The following DNM1 variants were observed in gnomAD, a reference collection of about 807,000 sequenced individuals.
DNM1 encodes dynamin-1.
Under a neutral mutation model 104.6 loss-of-function variants are expected in DNM1, and 29 were observed. That is an observed-to-expected ratio of 0.28 (90% CI 0.21 to 0.38). DNM1 has a LOEUF of 0.38. DNM1 is among the 10% of genes least tolerant of loss of function. The pLI is 1.00. For missense variants in DNM1, 640 were observed against 1,189.4 expected, an observed-to-expected ratio of 0.54 and a Z score of 6.79; for synonymous variants, 445 against 475.8, an observed-to-expected ratio of 0.94 and a Z score of 0.84.
Position 128,254,635 on chromosome 9 carries a change from C to T in DNM1, c.2535-19C>T. Reference sequence around the variant, plus strand: ...GCTTTTCTCTCCCGTTTTCTCTCTGCTTTCTCTCCAACTGCCAGCCGATCG... The same window carrying T: ...GCTTTTCTCTCCCGTTTTCTCTCTGTTTTCTCTCCAACTGCCAGCCGATCG... On this transcript the variant is annotated intron_variant, in intron 21 of 21. Coordinates refer to ENST00000372923, the MANE Select transcript of DNM1 (RefSeq NM_004408.4). The surrounding 1 kb of genome is among the most constrained non-coding windows in gnomAD (Gnocchi z 6.1). 1.3e-6 allele frequency: 2 copies of T among 1,594,622 alleles called. No homozygotes were observed. Among genetic ancestry groups the T allele is most frequent in the South Asian group, 1.1e-5 (1 of 90,962 alleles).
intron 1 of DNM1, among the ~76,000 whole-genome samples, chr9:128,217,556 A>G (rs1474263256): frequency 6.6e-6 from 1 of 152,132 alleles, no homozygotes; most frequent in Non-Finnish European, 1.5e-5. Flanking sequence ...AGCTGAGATT[A>G]CAGGTGCCTG....
At chr9:128,211,020 CT>C (rs909128374) in intron 1 of DNM1, among the ~76,000 whole-genome samples, 1 of 152,234 alleles carries the variant, frequency 6.6e-6, no homozygotes, top group African/African-American at 2.4e-5. Context: ...AAATATTCTC[CT>C]GAATGGCATC....
rs61020870 is a variant in DNM1 at position 128,220,742 on chromosome 9, C to CGCGCGCGCGT, written c.849+402_849+403insCGCGCGCGTG. The stretch of plus-strand genomic sequence containing the variant: ...CAGAACTGAAGTGCGCGCGCGCGCG[C>CGCGCGCGCGT]GTGTGTGTGTGTGTGTGTGTGTGTG... On this transcript the variant is annotated intron_variant, in intron 6 of 21. Coordinates refer to ENST00000372923, the MANE Select transcript of DNM1 (RefSeq NM_004408.4). The surrounding 1 kb of genome is among the most constrained non-coding windows in gnomAD (Gnocchi z 5.2). 0.023 allele frequency among the ~76,000 whole-genome samples: 3,088 copies of CGCGCGCGCGT among 136,132 alleles called. 58 individuals are homozygous for CGCGCGCGCGT. Among genetic ancestry groups the CGCGCGCGCGT allele is most frequent in the Admixed American group, 0.043 (585 of 13,644 alleles). The allele number at this position is 136,132 out of a possible 152,430, so 89.3% of individuals were successfully genotyped here. A position where few individuals can be genotyped will look rare whatever the true frequency, so the allele number is the denominator to read the frequency against.
rs1834977338 is a variant in DNM1 at position 128,220,997 on chromosome 9, TC to T, written c.849+658del. 1 of 79,936 alleles carries T rather than the reference TC, an allele frequency of 1.3e-5. No individual in the cohort carries two copies. The highest frequency in any genetic ancestry group is 5.9e-5 in the African/African-American group (1 of 17,088). The allele number at this position is 79,936 out of a possible 1,614,324, so 5.0% of individuals were successfully genotyped here. A position where few individuals can be genotyped will look rare whatever the true frequency, so the allele number is the denominator to read the frequency against. The stretch of plus-strand genomic sequence containing the variant: ...TTTCTCTTTCTTTCTTTCTTTCCCT[TC>T]CTTCCTTCCTTCCTTCCTTTCTTTC... On this transcript the variant is annotated intron_variant, in intron 6 of 21. Transcript: ENST00000372923. The surrounding 1 kb of genome is among the most constrained non-coding windows in gnomAD (Gnocchi z 5.2).
rs758781660 is a variant in DNM1 at position 128,247,890 on chromosome 9, C to T, written c.1894-34C>T. On this transcript the variant is annotated intron_variant, in intron 17 of 21. Coordinates refer to ENST00000372923, the MANE Select transcript of DNM1 (RefSeq NM_004408.4). This position sits in a 1 kb window ranked among gnomAD's most constrained non-coding sequence, Gnocchi z 5.1. ...CTTCGGCTGTGCTCCCTGGTGGTGG[C>T]GGCGGTGGCAATGTTGGTGTGTGGG... 26 of 1,610,788 alleles carry T rather than the reference C, an allele frequency of 1.6e-5. No homozygotes were observed. Among genetic ancestry groups the T allele is most frequent in the South Asian group, 3.3e-5 (3 of 90,814 alleles).
At chr9:128,213,272 G>A (rs1834415337) in intron 1 of DNM1, among the ~76,000 whole-genome samples, 1 of 152,068 alleles carries the variant, frequency 6.6e-6, no homozygotes, top group Admixed American at 6.6e-5. Context: ...AGTAGAGATG[G>A]GGTTTCACCA....
intron 14 of DNM1, 118 bp from the exon 15 acceptor site, chr9:128,242,114 G>A: frequency 1.5e-6 from 1 of 689,026 alleles, no homozygotes; most frequent in Non-Finnish European, 2.6e-6. Context: ...CTCCCTGACT[G>A]CCAGGCCTCA....
rs61020870 is a variant in DNM1 at position 128,220,742 on chromosome 9, C to CGCGCGCGCGCGCGCGCGT, written c.849+402_849+403insCGCGCGCGCGCGCGCGTG. 1.5e-4 allele frequency among the ~76,000 whole-genome samples: 21 copies of CGCGCGCGCGCGCGCGCGT among 136,278 alleles called. No homozygotes were observed. The highest frequency in any genetic ancestry group is 3.7e-4 in the Admixed American group (5 of 13,658). The allele number at this position is 136,278 out of a possible 152,430, so 89.4% of individuals were successfully genotyped here. A position where few individuals can be genotyped will look rare whatever the true frequency, so the allele number is the denominator to read the frequency against. On this transcript the variant is annotated intron_variant, in intron 6 of 21. Coordinates refer to ENST00000372923, the MANE Select transcript of DNM1 (RefSeq NM_004408.4). The surrounding 1 kb of genome is among the most constrained non-coding windows in gnomAD (Gnocchi z 5.2). ...CAGAACTGAAGTGCGCGCGCGCGCG[C>CGCGCGCGCGCGCGCGCGT]GTGTGTGTGTGTGTGTGTGTGTGTG... is the stretch of plus-strand genomic sequence containing the variant.
At chr9:128,221,042 T>G (rs1834986764) in intron 6 of DNM1, 1 of 147,802 alleles carries the variant, frequency 6.8e-6, no homozygotes, top group Non-Finnish European at 1.5e-5. Flanking sequence ...TCTTTCTCTC[T>G]TTCTTTCTCT....
At position 128,224,021 on chromosome 9, in the gene DNM1, C is replaced by T. The variant is rs570056842; in HGVS notation, c.1197-230C>T. The T allele has an allele frequency of 2.1e-4, 86 of 412,980 alleles. No homozygotes were observed. The highest frequency in any genetic ancestry group is 3.4e-4 in the Non-Finnish European group (81 of 238,538). 25.6% of individuals were successfully genotyped at this position (412,980 alleles called of 1,614,324 possible). A position where few individuals can be genotyped will look rare whatever the true frequency, so the allele number is the denominator to read the frequency against. On this transcript the variant is annotated intron_variant, in intron 9 of 21. Coordinates refer to ENST00000372923, the MANE Select transcript of DNM1 (RefSeq NM_004408.4). The surrounding 1 kb of genome is among the most constrained non-coding windows in gnomAD (Gnocchi z 4.3). ...CCAAGATTGCGCCACTGCACTCCAG[C>T]CTGGGCGACAGAGCAAGACTCCGTC... is the stretch of plus-strand genomic sequence containing the variant.
intron 19 of DNM1, among the ~76,000 whole-genome samples, chr9:128,249,231 T>C (rs1564353626): frequency 6.7e-6 from 1 of 149,252 alleles, no homozygotes; most frequent in Non-Finnish European, 1.5e-5. Flanking sequence ...AATGAGGGGC[T>C]GTGCACGGTG....
At chr9:128,252,714 G>A in intron 21 of DNM1, 1 of 505,710 alleles carries the variant, frequency 2.0e-6, no homozygotes, top group Non-Finnish European at 3.8e-6. Flanking sequence ...TAGCGAGCAA[G>A]CCCTATCTCC....
intron 1 of DNM1, among the ~76,000 whole-genome samples, chr9:128,209,554 T>C (rs1834169699): frequency 6.6e-6 from 1 of 152,160 alleles, no homozygotes; most frequent in Non-Finnish European, 1.5e-5. Flanking sequence ...CCTCCCACCA[T>C]AACAAACACA....
rs967133959 is a variant in DNM1 at position 128,216,283 on chromosome 9, T to C, written c.162-1948T>C. 2.6e-5 allele frequency among the ~76,000 whole-genome samples: 4 copies of C among 152,232 alleles called. No individual in the cohort carries two copies. In the East Asian group the frequency reaches 5.8e-4, roughly 22 times the overall value. On this transcript the variant is annotated intron_variant, in intron 1 of 21. Coordinates refer to ENST00000372923, the MANE Select transcript of DNM1 (RefSeq NM_004408.4). ...GACAGCACCATTGAATGAGGAAGTT[T>C]CCAGGCTGAGGGTCCAACAGACACT...
chr9:128,239,120 C>G (rs1461093882), intron 11 of DNM1, among the ~76,000 whole-genome samples: 1 of 152,172 alleles, frequency 6.6e-6, no homozygotes, highest in Non-Finnish European at 1.5e-5. Context: ...TCCTCAGCCT[C>G]CCAAGTAGCT....
At chr9:128,205,702 G>A (rs1833908043) in intron 1 of DNM1, among the ~76,000 whole-genome samples, 1 of 152,182 alleles carries the variant, frequency 6.6e-6, no homozygotes, top group Non-Finnish European at 1.5e-5. Context: ...TGGGTGGAAA[G>A]GTGCTTTTGT....
rs964416741 is a variant in DNM1 at position 128,245,139 on chromosome 9, C to A, written c.1672-1255C>A. The A allele has an allele frequency of 4.6e-6, 1 of 215,874 alleles. No homozygotes were observed. Among genetic ancestry groups the A allele is most frequent in the East Asian group, 1.2e-4 (1 of 8,608 alleles). 13.4% of individuals were successfully genotyped at this position (215,874 alleles called of 1,614,324 possible). On this transcript the variant is annotated intron_variant, in intron 15 of 21. Coordinates refer to ENST00000372923, the MANE Select transcript of DNM1 (RefSeq NM_004408.4). The surrounding 1 kb of genome is among the most constrained non-coding windows in gnomAD (Gnocchi z 5.2). The stretch of plus-strand genomic sequence containing the variant: ...GGGTGGTGGCGGGGCCTCTCTCGAA[C>A]GGTTCCAGATGTTCCCTGGCCGTGT...
In DNM1 at chr9:128,246,213, C is replaced by T. The variant is rs534491771; in HGVS notation, c.1672-181C>T. Among the ~76,000 whole-genome samples the T allele has an allele frequency of 5.9e-5, 9 of 152,220 alleles. No individual in the cohort carries two copies. In the East Asian group the frequency reaches 7.7e-4, roughly 13 times the overall value. On this transcript the variant is annotated intron_variant, in intron 15 of 21. Coordinates refer to ENST00000372923, the MANE Select transcript of DNM1 (RefSeq NM_004408.4). ...TGCAGAGCTGGTAGGACTGGCTCTGCGGGGGTCGGCGGTGCCCAGGAGGCC... is the reference window on the plus strand; with the variant it reads ...TGCAGAGCTGGTAGGACTGGCTCTGTGGGGGTCGGCGGTGCCCAGGAGGCC...
In DNM1 at chr9:128,234,187, T is replaced by C. The variant is rs958008494; in HGVS notation, c.1422+80T>C. The C allele has an allele frequency of 2.1e-5, 25 of 1,205,532 alleles. No homozygotes were observed. The Admixed American group carries it at 3.8e-4, about 18-fold the overall frequency. 74.7% of individuals were successfully genotyped at this position (1,205,532 alleles called of 1,614,324 possible). On this transcript the variant is annotated intron_variant, in intron 11 of 21. Coordinates refer to ENST00000372923, the MANE Select transcript of DNM1 (RefSeq NM_004408.4). ...GCGCCTTCCACTCCTGGCCCTGGGG[T>C]TGCTTCCTTCTTGTTTTGTCTCTTC...
Sources: gnomAD v4.1 joint callset for allele counts (sites outside exome capture counted in the v4.1 genomes callset) on GRCh38, gnomAD v4.1.1 for gene constraint, Gnocchi (gnomAD v3.1) non-coding constraint, MANE v1.5 for transcripts, NCBI Gene and HGNC (gene_info 2026-07-23, HGNC 2026-07-21) for gene names.